GCSAML: variants seen among roughly 807,000 people sequenced by gnomAD.
GCSAML encodes germinal center-associated signaling and motility-like protein.
GCSAML carries 9 observed loss-of-function variants against 13.0 expected under a neutral mutation model. The observed-to-expected ratio is 0.69, with a 90% CI of 0.42 to 1.21. The LOEUF is 1.21. Among genes scored for constraint, GCSAML ranks in the 50% most tolerant of loss-of-function variants. The pLI is 0.00. For synonymous variants in GCSAML, 37 were observed against 52.9 expected, an observed-to-expected ratio of 0.70 and a Z score of 1.31; for missense variants, 143 against 153.4, an observed-to-expected ratio of 0.93 and a Z score of 0.36.
intron 1 of GCSAML, among the ~76,000 whole-genome samples, chr1:247,554,697 C>A (rs1667895731): frequency 6.6e-6 from 1 of 151,964 alleles, no homozygotes; most frequent in Non-Finnish European, 1.5e-5. Flanking sequence ...TTACTTGTGC[C>A]TAGACAGGTA....
upstream of GCSAML, among the ~76,000 whole-genome samples, chr1:247,544,418 C>T (rs1667503575): frequency 6.6e-6 from 1 of 152,186 alleles, no homozygotes; most frequent in Non-Finnish European, 1.5e-5. Flanking sequence ...GGAAACACAA[C>T]TCTCAGCTGT....
At chr1:247,549,686 C>T (rs549904482) in intron 1 of GCSAML, among the ~76,000 whole-genome samples, 6 of 151,774 alleles carry the variant, frequency 4.0e-5, no homozygotes, top group Non-Finnish European at 7.4e-5. Context: ...CATCCATCAG[C>T]TTCGTGGGTT....
intron 2 of GCSAML, among the ~76,000 whole-genome samples, chr1:247,561,544 C>A (rs946439323): frequency 2.0e-5 from 3 of 152,144 alleles, no homozygotes; most frequent in East Asian, 1.9e-4. Context: ...TCTCTTGATT[C>A]TTTCCTCTCC....
At chr1:247,550,689 G>A (rs1558252288) in intron 1 of GCSAML, among the ~76,000 whole-genome samples, 2 of 152,120 alleles carry the variant, frequency 1.3e-5, no homozygotes, top group Non-Finnish European at 2.9e-5. Flanking sequence ...ATGGAGAAGG[G>A]CCATCAAAGT....
intron 1 of GCSAML, chr1:247,518,492 T>TCAACTGCCTG (rs1171382530): frequency 6.6e-6 from 1 of 152,368 alleles, no homozygotes; most frequent in African/African-American, 2.4e-5. Flanking sequence ...CGCACCCGCT[T>TCAACTGCCTG]CAACTGCCTG....
At chr1:247,508,870 T>C (rs1025306912) in intron 1 of GCSAML, among the ~76,000 whole-genome samples, 2 of 152,202 alleles carry the variant, frequency 1.3e-5, no homozygotes, top group Admixed American at 1.3e-4. Context: ...TGTGTCTGTT[T>C]TGGTACCGGT....
At chr1:247,517,603 T>C (rs1265685909) in intron 1 of GCSAML, among the ~76,000 whole-genome samples, 3 of 152,214 alleles carry the variant, frequency 2.0e-5, no homozygotes, top group Non-Finnish European at 4.4e-5. Flanking sequence ...AAAATTTTTA[T>C]TTTTAAAAGT....
In GCSAML at chr1:247,527,215, T is replaced by C. The variant is rs1666716812; in HGVS notation, c.-148+161T>C. 4 of 388,550 alleles carry C rather than the reference T, an allele frequency of 1.0e-5. No homozygotes were observed. Among genetic ancestry groups the C allele is most frequent in the Non-Finnish European group, 1.5e-5 (3 of 195,632 alleles). The allele number at this position is 388,550 out of a possible 1,614,324, so 24.1% of individuals were successfully genotyped here. ...GAGTTATGGTCATCATTCTCCTCTG[T>C]GCCAAACAGGGGCTGATGGATGGTC... On this transcript the variant is annotated intron_variant, in intron 2 of 5. Coordinates refer to the GCSAML transcript ENST00000366489. The surrounding 1 kb of genome is among the most constrained non-coding windows in gnomAD (Gnocchi z 4.6).
At chr1:247,540,374 G>A (rs1229447378) in intron 2 of GCSAML, among the ~76,000 whole-genome samples, 1 of 152,174 alleles carries the variant, frequency 6.6e-6, no homozygotes, top group African/African-American at 2.4e-5. Flanking sequence ...CCTCACATCT[G>A]TCCTTAACCT....
At chr1:247,551,748 A>T (rs1426429335) in intron 1 of GCSAML, among the ~76,000 whole-genome samples, 1 of 152,200 alleles carries the variant, frequency 6.6e-6, no homozygotes, top group East Asian at 1.9e-4. Context: ...TGCAAAGGAA[A>T]CTGTCCATTT....
At chr1:247,563,193 C>T (rs74766854) in intron 2 of GCSAML, among the ~76,000 whole-genome samples, 5,446 of 152,086 alleles carry the variant, frequency 0.036, 311 homozygotes, top group African/African-American at 0.12. Context: ...AGTTAGAATT[C>T]GTAAGACCCT....
intron 2 of GCSAML, among the ~76,000 whole-genome samples, chr1:247,537,022 G>A (rs1261883186): frequency 6.6e-6 from 1 of 152,074 alleles, no homozygotes; most frequent in Non-Finnish European, 1.5e-5. Flanking sequence ...GCAAGTCAGT[G>A]GAATTAAGTT....
chr1:247,521,344 C>T (rs1407935612), intron 1 of GCSAML, among the ~76,000 whole-genome samples: 5 of 136,382 alleles, frequency 3.7e-5, no homozygotes, highest in South Asian at 2.5e-4. Context: ...TCCCTCTCCA[C>T]GGTCTCCCTC....
Position 247,574,358 on chromosome 1 carries a change from T to G in GCSAML, c.384T>G (p.Asp128Glu), listed in dbSNP as rs1193347482. 1.9e-6 allele frequency: 3 copies of G among 1,613,926 alleles called. No homozygotes were observed. Among genetic ancestry groups the G allele is most frequent in the Non-Finnish European group, 2.5e-6 (3 of 1,179,972 alleles). ...CTTGTTCCTGCACCCATGAGCATGA[T>G]TATGAAGTTGTGTTTCCACACTAAA... ...SRPCSCTHEH[D>E]YEVVFPH is the part of the protein sequence containing the mutation. The change falls in exon 5 of 5, where the codon GAT becomes GAG. Residue 128 changes from aspartate (D) to glutamate (E), a missense_variant. Asp to Glu is a conservative substitution (Grantham distance 45). Coordinates refer to ENST00000366488, the MANE Select transcript of GCSAML (RefSeq NM_145278.5).
intron 2 of GCSAML, chr1:247,531,792 G>A (rs1666973993): frequency 6.2e-7 from 1 of 1,614,190 alleles, no homozygotes; most frequent in Non-Finnish European, 8.5e-7. Context: ...AAGAACAGGT[G>A]TTGAATGCCT....
chr1:247,520,477 A>G (rs55833777), intron 1 of GCSAML, among the ~76,000 whole-genome samples: 16,454 of 151,482 alleles, frequency 0.11, 1,114 homozygotes, highest in Non-Finnish European at 0.15. Flanking sequence ...TGATTTGCCA[A>G]CCCCCATATT....
chr1:247,507,833 A>G (rs1322085195), intron 1 of GCSAML, among the ~76,000 whole-genome samples: 1 of 152,154 alleles, frequency 6.6e-6, no homozygotes, highest in Non-Finnish European at 1.5e-5. Flanking sequence ...TGTCCCTGCA[A>G]AGGACATGAA....
chr1:247,512,365 T>C (rs910703011), intron 1 of GCSAML, among the ~76,000 whole-genome samples: 2 of 152,010 alleles, frequency 1.3e-5, no homozygotes, highest in Non-Finnish European at 2.9e-5. Flanking sequence ...CATCAGGTCA[T>C]TTATGTTCTT....
intron 2 of GCSAML, chr1:247,531,972 GC>G: frequency 6.2e-7 from 1 of 1,614,076 alleles, no homozygotes; most frequent in Non-Finnish European, 8.5e-7. Flanking sequence ...GGGGCATCTC[GC>G]AAAAGAAGTG....
Sources: allele counts gnomAD v4.1 joint callset (sites outside exome capture counted in the v4.1 genomes callset), GRCh38; gene constraint gnomAD v4.1.1; non-coding constraint Gnocchi (gnomAD v3.1); transcripts MANE v1.5; gene names NCBI Gene and HGNC (gene_info 2026-07-23, HGNC 2026-07-21).